The following SLC16A7 variants were observed in gnomAD, a reference collection of about 807,000 sequenced individuals.
SLC16A7 encodes the protein solute carrier family 16 member 7.
SLC16A7 carries 33 observed loss-of-function variants against 34.9 expected under a neutral mutation model. That is an observed-to-expected ratio of 0.94 (90% CI 0.72 to 1.26). The LOEUF (loss-of-function observed/expected upper bound fraction) is 1.26, where lower values mean the gene tolerates loss of function less well. Among genes scored for constraint, SLC16A7 ranks in the 50% most tolerant of loss-of-function variants. The pLI is 0.00. For missense variants in SLC16A7, 573 were observed against 578.1 expected (o/e 0.99, Z 0.09); for synonymous variants, 201 against 206.6 (o/e 0.97, Z 0.23).
At chr12:59,736,137 G>T (rs12824395) in intron 3 of SLC16A7, 4 of 178,132 alleles carry the variant, frequency 2.2e-5, no homozygotes, top group East Asian at 1.6e-4. Context: ...TGAGAGCAAG[G>T]CTCCAGGGAC....
intron 1 of SLC16A7, among the ~76,000 whole-genome samples, chr12:59,637,807 T>C (rs1880500244): frequency 6.6e-6 from 1 of 152,154 alleles, no homozygotes. Flanking sequence ...GGGCTCTGCC[T>C]TCATAAGTGG....
intron 3 of SLC16A7, among the ~76,000 whole-genome samples, chr12:59,714,926 T>A (rs796487987): frequency 1.3e-5 from 2 of 152,302 alleles, no homozygotes; most frequent in African/African-American, 4.8e-5. Context: ...ATATTTCTTA[T>A]GACCTTATTT....
At chr12:59,598,147 C>G (rs1434849445) in intron 1 of SLC16A7, among the ~76,000 whole-genome samples, 1 of 152,186 alleles carries the variant, frequency 6.6e-6, no homozygotes, top group Non-Finnish European at 1.5e-5. Context: ...TATTCATCCA[C>G]CAAACATTTT....
At chr12:59,767,537 T>A (rs1185209560) in intron 3 of SLC16A7, among the ~76,000 whole-genome samples, 2 of 152,110 alleles carry the variant, frequency 1.3e-5, no homozygotes, top group African/African-American at 4.8e-5. Flanking sequence ...TGGCCCTTAA[T>A]AATTATGCCA....
intron 2 of SLC16A7, among the ~76,000 whole-genome samples, chr12:59,659,573 A>T (rs1407661410): frequency 6.6e-6 from 1 of 152,096 alleles, no homozygotes; most frequent in East Asian, 1.9e-4. Context: ...TTAATTAATT[A>T]AAAACAAGGA....
chr12:59,706,516 C>T lies in SLC16A7; in HGVS notation c.217+1498C>T, dbSNP rs73111816. 9.1e-3 allele frequency among the ~76,000 whole-genome samples: 1,385 copies of T among 152,116 alleles called. 11 individuals carry two copies. The highest frequency in any genetic ancestry group is 0.014 in the Non-Finnish European group (964 of 67,976). Reference sequence around the variant, plus strand: ...TTTTTCTTCCAGTATCAAAAGGTATCCTTTAAATACTATTTGGGCGTGTCA... The same window carrying T: ...TTTTTCTTCCAGTATCAAAAGGTATTCTTTAAATACTATTTGGGCGTGTCA... On this transcript the variant is annotated intron_variant, in intron 3 of 5. Transcript: ENST00000547379.
In SLC16A7 at chr12:59,709,222, C is replaced by A. The variant is rs945066883; in HGVS notation, c.217+4204C>A. ...TTTATATGACTTTTCTGGTAAAAAT[C>A]TATTCTGACTTGGAAGAATCAGCCA... On this transcript the variant is annotated intron_variant, in intron 3 of 5. Coordinates refer to ENST00000547379, the MANE Select transcript of SLC16A7 (RefSeq NM_001270623.2). Among the ~76,000 whole-genome samples the A allele has an allele frequency of 4.0e-5, 6 of 151,570 alleles. 1 individual carries two copies. Among genetic ancestry groups the A allele is most frequent in the African/African-American group, 1.5e-4 (6 of 40,940 alleles).
intron 3 of SLC16A7, among the ~76,000 whole-genome samples, chr12:59,732,190 G>A (rs1877031960): frequency 6.6e-6 from 1 of 151,998 alleles, no homozygotes; most frequent in African/African-American, 2.4e-5. Context: ...GGCCGAGGTG[G>A]GCAGATCACC....
chr12:59,649,960 C>CA lies in SLC16A7; in HGVS notation c.-129-5183dup, dbSNP rs200723528. Among the ~76,000 whole-genome samples, 9 of 149,568 alleles carry CA rather than the reference C, an allele frequency of 6.0e-5. No homozygotes were observed. In the South Asian group the frequency reaches 8.5e-4, roughly 14 times the overall value. The stretch of plus-strand genomic sequence containing the variant: ...GTGGAACTCCATCCCCCCTCCCCAC[C>CA]AAAAAAAAAGTTCTAAAAATATTAG... On this transcript the variant is annotated intron_variant, in intron 1 of 5. Coordinates refer to ENST00000547379, the MANE Select transcript of SLC16A7 (RefSeq NM_001270623.2).
At chr12:59,773,186 A>G (rs904798924) in intron 4 of SLC16A7, among the ~76,000 whole-genome samples, 4 of 151,994 alleles carry the variant, frequency 2.6e-5, no homozygotes, top group African/African-American at 9.7e-5. Flanking sequence ...ACTTGACCAT[A>G]GGCTGGTCAG....
At chr12:59,630,820 A>C (rs1029920402) in intron 1 of SLC16A7, among the ~76,000 whole-genome samples, 1 of 151,922 alleles carries the variant, frequency 6.6e-6, no homozygotes, top group Non-Finnish European at 1.5e-5. Flanking sequence ...TAAATGATTA[A>C]AATCAGTGGT....
At chr12:59,699,443 G>T (rs574196910) in intron 2 of SLC16A7, among the ~76,000 whole-genome samples, 13 of 151,736 alleles carry the variant, frequency 8.6e-5, no homozygotes, top group African/African-American at 3.1e-4. Flanking sequence ...TTAAAATTAT[G>T]CATTGGTCAG....
intron 1 of SLC16A7, among the ~76,000 whole-genome samples, chr12:59,625,023 G>T (rs868120770): frequency 2.0e-5 from 3 of 151,676 alleles, no homozygotes; most frequent in South Asian, 4.1e-4. Context: ...CTTTCAGTTA[G>T]TTTTATTCTC....
chr12:59,742,451 C>T (rs1466736288), intron 3 of SLC16A7, among the ~76,000 whole-genome samples: 1 of 152,164 alleles, frequency 6.6e-6, no homozygotes, highest in Non-Finnish European at 1.5e-5. Context: ...CCACTCTTGC[C>T]CTGTTCATGC....
chr12:59,692,815 A>G (rs1871832033), intron 2 of SLC16A7, among the ~76,000 whole-genome samples: 1 of 151,962 alleles, frequency 6.6e-6, no homozygotes, highest in Non-Finnish European at 1.5e-5. Context: ...GTCAAAGTAA[A>G]TTAGTCAATA....
chr12:59,753,813 G>C (rs1357893432), intron 3 of SLC16A7, among the ~76,000 whole-genome samples: 3 of 151,998 alleles, frequency 2.0e-5, no homozygotes, highest in African/African-American at 7.2e-5. Context: ...ATTTTTTTCA[G>C]CACCACACCA....
chr12:59,723,615 A>G (rs773158226), intron 3 of SLC16A7, among the ~76,000 whole-genome samples: 6 of 152,020 alleles, frequency 3.9e-5, no homozygotes, highest in Non-Finnish European at 7.4e-5. Flanking sequence ...AAGAAACAGC[A>G]TTTTAGTATA....
chr12:59,729,290 C>A (rs371219300), intron 3 of SLC16A7, among the ~76,000 whole-genome samples: 4 of 152,178 alleles, frequency 2.6e-5, no homozygotes, highest in Non-Finnish European at 4.4e-5. Context: ...ACTCATCATG[C>A]GGATTACCAT....
intron 3 of SLC16A7, among the ~76,000 whole-genome samples, chr12:59,757,482 C>T (rs1880517479): frequency 1.3e-5 from 2 of 152,156 alleles, no homozygotes; most frequent in South Asian, 2.1e-4. Context: ...TTCAAGACTG[C>T]TTTTGATTTT....
Sources: gnomAD v4.1 joint callset for allele counts (sites outside exome capture counted in the v4.1 genomes callset) on GRCh38, gnomAD v4.1.1 for gene constraint, MANE v1.5 for transcripts, NCBI Gene and HGNC (gene_info 2026-07-23, HGNC 2026-07-21) for gene names.